Variants in PTPA observed in about 807,000 individuals in gnomAD.
PTPA encodes the protein serine/threonine-protein phosphatase 2A activator.
PTPA carries 13 observed loss-of-function variants against 43.6 expected under a neutral mutation model. The observed-to-expected ratio is 0.30, with a 90% confidence interval of 0.19 to 0.47. The LOEUF is 0.47. Among genes scored for constraint, PTPA ranks in the 20% least tolerant of loss-of-function variants. The pLI, the probability that PTPA is intolerant of heterozygous loss-of-function variation, is 0.99. For missense variants in PTPA, 329 were observed against 411.9 expected, an observed-to-expected ratio of 0.80 and a Z score of 1.74; for synonymous variants, 172 against 158.2, an observed-to-expected ratio of 1.09 and a Z score of -0.66.
chr9:129,135,976 T>A (rs927887015), intron 6 of PTPA, among the ~76,000 whole-genome samples: 1 of 150,900 alleles, frequency 6.6e-6, no homozygotes, highest in African/African-American at 2.4e-5. Flanking sequence ...TTTATTTGTT[T>A]ATTTTTTTTG....
At chr9:129,128,129 T>G (rs547708783) in intron 3 of PTPA, 1 of 1,137,824 alleles carries the variant, frequency 8.8e-7, no homozygotes, top group East Asian at 5.9e-5. Flanking sequence ...GTTAGTCACT[T>G]GCTCAAGGTC....
chr9:129,137,538 C>T, intron 7 of PTPA, 54 bp from the exon 8 acceptor site: 9 of 1,458,102 alleles, frequency 6.2e-6, no homozygotes, highest in South Asian at 1.2e-5. Context: ...GGCCGGGTTG[C>T]CCAGGTAGTC....
At chr9:129,119,713 T>A (rs1849125524) in intron 1 of PTPA, 1 of 152,308 alleles carries the variant, frequency 6.6e-6, no homozygotes, top group Non-Finnish European at 1.5e-5. Context: ...TGACCTGTTT[T>A]TTTTTCTTCT....
chr9:129,120,523 G>C lies in PTPA; in HGVS notation c.42G>C (p.Glu14Asp), dbSNP rs1472595184. 1.2e-6 allele frequency: 2 copies of C among 1,612,386 alleles called. No homozygotes were observed. The highest frequency in any genetic ancestry group is 2.2e-5 in the East Asian group (1 of 44,860). Residue 14 changes from glutamate to aspartate, a missense_variant, in exon 2 of 10, where the codon GAG becomes GAC. Transcript: ENST00000393370. ...GERQPPPDSS[E>D]EAPPATQNFI... ...TTTTTTTTTGTCAAGATTCTTCAGA[G>C]GAGGCCCCTCCAGCCACTCAGAACT...
chr9:129,119,355 C>G (rs1849100128), intron 1 of PTPA, among the ~76,000 whole-genome samples: 1 of 151,914 alleles, frequency 6.6e-6, no homozygotes, highest in African/African-American at 2.4e-5. Context: ...ATTTACGTGT[C>G]CGTGCTTATT....
intron 9 of PTPA, among the ~76,000 whole-genome samples, chr9:129,144,923 CT>C (rs1428545943): frequency 6.6e-6 from 1 of 151,990 alleles, no homozygotes; most frequent in Non-Finnish European, 1.5e-5. Context: ...GTCCCAGCTA[CT>C]TGGGAGGCTG....
At chr9:129,111,143 T>G, upstream of PTPA, 1 of 1,271,926 alleles carries the variant, frequency 7.9e-7, no homozygotes, top group Non-Finnish European at 1.1e-6. Context: ...ATTCCTTGGG[T>G]TAGGGTCAGT....
At chr9:129,111,951 T>TAA in intron 1 of PTPA, 1 of 440,768 alleles carries the variant, frequency 2.3e-6, no homozygotes, top group Non-Finnish European at 3.6e-6. Context: ...AGCGCGTGCT[T>TAA]AAGTAAGCTG....
rs1851448423 is a variant in PTPA, at chr9:129,148,723, C to G, written c.*1259C>G. ...ACACACCCTTCAGGAAGGGGGAGCA[C>G]TGAGAAGCACAGCACAGGGGCTCAG... On this transcript the variant is annotated 3_prime_UTR_variant, in exon 10 of 10. Transcript: ENST00000393370. 1 of 152,120 alleles carries G rather than the reference C, an allele frequency of 6.6e-6. No individual in the cohort carries two copies. The highest frequency in any genetic ancestry group is 2.1e-4 in the South Asian group (1 of 4,832). 9.4% of individuals were successfully genotyped at this position (152,120 alleles called of 1,614,324 possible). A position where few individuals can be genotyped will look rare whatever the true frequency, so the allele number is the denominator to read the frequency against.
intron 9 of PTPA, chr9:129,143,539 A>G: frequency 1.5e-6 from 1 of 678,508 alleles, no homozygotes; most frequent in Non-Finnish European, 2.7e-6. Flanking sequence ...GAAGGGTGCC[A>G]GAGGCCAGCG....
chr9:129,111,556 G>C lies in PTPA; in HGVS notation c.-45G>C. 1 of 1,291,616 alleles carries C rather than the reference G, an allele frequency of 7.7e-7. No homozygotes were observed. The highest frequency in any genetic ancestry group is 9.9e-7 in the Non-Finnish European group (1 of 1,011,314). 80.0% of individuals were successfully genotyped at this position (1,291,616 alleles called of 1,614,324 possible). ...AAGGGTGGGTGCAAGAGTGAAAGGC[G>C]AGAGGGGACTGCAAGCATCCGGGTC... On this transcript the variant is annotated 5_prime_UTR_variant, in exon 1 of 10. Coordinates refer to ENST00000393370, the MANE Select transcript of PTPA (RefSeq NM_178000.3).
Position 129,111,738 on chromosome 9 carries a change from G to A in PTPA, c.31+107G>A, listed in dbSNP as rs1848508217. On this transcript the variant is annotated intron_variant, in intron 1 of 9. Transcript: ENST00000393370. ...GTCATGACACGGAGGAACTGGAGGG[G>A]CAAAAGCTGAGGGGCCCCGAGGAGG... 9 of 1,239,522 alleles carry A rather than the reference G, an allele frequency of 7.3e-6. No individual in the cohort carries two copies. In the East Asian group the frequency reaches 2.8e-4, roughly 39 times the overall value. The allele number at this position is 1,239,522 out of a possible 1,614,324, so 76.8% of individuals were successfully genotyped here.
Position 129,111,605 on chromosome 9 carries a change from C to G in PTPA, c.5C>G (p.Ala2Gly). 1 of 1,280,822 alleles carries G rather than the reference C, an allele frequency of 7.8e-7. No homozygotes were observed. Among genetic ancestry groups the G allele is most frequent in the Non-Finnish European group, 9.9e-7 (1 of 1,005,630 alleles). 79.3% of individuals were successfully genotyped at this position (1,280,822 alleles called of 1,614,324 possible). Residue 2 changes from alanine (A) to glycine (G), a missense_variant, in exon 1 of 10, where the codon GCT becomes GGT. Coordinates refer to ENST00000393370, the MANE Select transcript of PTPA (RefSeq NM_178000.3). ...TCGGCTCCTGGCCGGAGCAAGATGG[C>G]TGAGGGCGAGCGGCAGCCGCCGCCA... MAEGERQPPPDS... is the reference protein window; with the variant it reads MGEGERQPPPDS...
At chr9:129,144,269 G>T (rs1009385919) in intron 9 of PTPA, among the ~76,000 whole-genome samples, 4 of 151,980 alleles carry the variant, frequency 2.6e-5, no homozygotes, top group Non-Finnish European at 4.4e-5. Context: ...GGGTCTCCGT[G>T]GGGGCTGAGC....
chr9:129,140,945 G>A (rs1036002508), intron 8 of PTPA, among the ~76,000 whole-genome samples: 1 of 152,102 alleles, frequency 6.6e-6, no homozygotes, highest in African/African-American at 2.4e-5. Context: ...TGAGTGAAGC[G>A]AGTGGTCCAA....
At chr9:129,128,098 G>C (rs1330981346) in intron 3 of PTPA, 2 of 1,285,690 alleles carry the variant, frequency 1.6e-6, no homozygotes, top group African/African-American at 3.1e-5. Flanking sequence ...TTTTTTAGAC[G>C]AAGAAACTGA....
Position 129,148,226 on chromosome 9 carries a change from C to G in PTPA, c.*762C>G. The stretch of plus-strand genomic sequence containing the variant: ...TGCCCTTTGGGTAGGTGCTGGGCTC[C>G]TGGGAGGGCCCAGATGATGGGGTGA... On this transcript the variant is annotated 3_prime_UTR_variant, in exon 10 of 10. Transcript: ENST00000393370. The G allele has an allele frequency of 6.6e-6, 1 of 152,388 alleles. No individual in the cohort carries two copies. The highest frequency in any genetic ancestry group is 3.2e-3 in the Middle Eastern group (1 of 316). 9.4% of individuals were successfully genotyped at this position (152,388 alleles called of 1,614,324 possible).
Position 129,137,554 on chromosome 9 carries a change from G to T in PTPA, c.686-38G>T, listed in dbSNP as rs1482008502. The stretch of plus-strand genomic sequence containing the variant: ...GCCGGGTTGCCCAGGTAGTCGTGGG[G>T]CCTGGTTCTGAATGCTGGGGCCCAT... On this transcript the variant is annotated intron_variant, in intron 7 of 9. Coordinates refer to ENST00000393370, the MANE Select transcript of PTPA (RefSeq NM_178000.3). 1.9e-6 allele frequency: 3 copies of T among 1,539,632 alleles called. No homozygotes were observed. The East Asian group carries it at 6.8e-5, about 35-fold the overall frequency.
intron 8 of PTPA, 146 bp downstream of exon 8, chr9:129,137,838 C>A: frequency 1.3e-6 from 1 of 747,472 alleles, no homozygotes; most frequent in Non-Finnish European, 2.4e-6. Context: ...AAAGGAAGCA[C>A]CACTGGGCCT....
Sources: allele counts gnomAD v4.1 joint callset (sites outside exome capture counted in the v4.1 genomes callset), GRCh38; gene constraint gnomAD v4.1.1; transcripts MANE v1.5; gene names NCBI Gene and HGNC (gene_info 2026-07-23, HGNC 2026-07-21).